AOAH: variants seen among roughly 807,000 people sequenced by gnomAD.
AOAH encodes acyloxyacyl hydrolase (neutrophil).
A neutral mutation model predicts 92.2 loss-of-function variants in AOAH; 64 were observed. That is an observed-to-expected ratio of 0.69 (90% CI 0.57 to 0.86). The LOEUF is 0.86. AOAH is among the 40% of genes least tolerant of loss of function. AOAH has a pLI of 0.00. For missense variants in AOAH, 656 were observed against 694.6 expected (o/e 0.94, Z 0.62); for synonymous variants, 263 against 254.5 (o/e 1.03, Z -0.32).
intron 8 of AOAH, 122 bp from the exon 9 acceptor site, chr7:36,620,951 A>G (rs966788692): frequency 1.2e-6 from 1 of 861,530 alleles, no homozygotes; most frequent in African/African-American, 1.7e-5. Flanking sequence ...GAGAGACAAC[A>G]GCATTCTTCA....
intron 12 of AOAH, among the ~76,000 whole-genome samples, chr7:36,583,000 A>C (rs1466806932): frequency 1.3e-5 from 2 of 152,046 alleles, no homozygotes. Flanking sequence ...GCATGCCACC[A>C]TGCCCAGCTA....
intron 15 of AOAH, 36 bp from the exon 16 acceptor site, chr7:36,540,527 T>C (rs925191543): frequency 6.3e-6 from 10 of 1,583,982 alleles, no homozygotes; most frequent in Non-Finnish European, 8.6e-6. Flanking sequence ...TCTTGGTTGA[T>C]TGTAAGGATA....
chr7:36,724,199 G>A lies in AOAH; in HGVS notation c.-51C>T, dbSNP rs554726957. On this transcript the variant is annotated 5_prime_UTR_variant, in exon 1 of 21. Coordinates refer to ENST00000617537, the MANE Select transcript of AOAH (RefSeq NM_001637.4). ...CACCCGGCTTTGGAAGCTCCCAACT[G>A]AGGGATGCTGGAGCTGAGGCTGCAG... 1.9e-6 allele frequency: 3 copies of A among 1,603,944 alleles called. No homozygotes were observed. The highest frequency in any genetic ancestry group is 2.6e-6 in the Non-Finnish European group (3 of 1,174,126).
At chr7:36,515,196 C>A (rs1783534937) in intron 20 of AOAH, among the ~76,000 whole-genome samples, 3 of 138,536 alleles carry the variant, frequency 2.2e-5, no homozygotes, top group Non-Finnish European at 3.1e-5. Context: ...CCCCCACACA[C>A]CACACACAAA....
At chr7:36,640,213 A>T (rs375091157) in intron 4 of AOAH, among the ~76,000 whole-genome samples, 1 of 152,078 alleles carries the variant, frequency 6.6e-6, no homozygotes, top group African/African-American at 2.4e-5. Flanking sequence ...CAGAGTCCTG[A>T]TCCCAGATGG....
At chr7:36,702,805 C>A (rs1490885623) in intron 1 of AOAH, among the ~76,000 whole-genome samples, 1 of 152,076 alleles carries the variant, frequency 6.6e-6, no homozygotes, top group African/African-American at 2.4e-5. Context: ...GTGGCAATTT[C>A]TTAAAATAAG....
At chr7:36,547,266 G>A (rs971714550) in intron 15 of AOAH, among the ~76,000 whole-genome samples, 1 of 152,324 alleles carries the variant, frequency 6.6e-6, no homozygotes, top group African/African-American at 2.4e-5. Flanking sequence ...GGGTTCTGGG[G>A]ACAGCAGTAA....
chr7:36,641,692 T>A (rs1233821797), intron 4 of AOAH, among the ~76,000 whole-genome samples: 1 of 152,158 alleles, frequency 6.6e-6, no homozygotes, highest in Non-Finnish European at 1.5e-5. Context: ...CACACTCCCA[T>A]GCATACATTT....
intron 1 of AOAH, among the ~76,000 whole-genome samples, chr7:36,707,353 C>T (rs1056351585): frequency 6.6e-6 from 1 of 152,052 alleles, no homozygotes; most frequent in Non-Finnish European, 1.5e-5. Flanking sequence ...TGGTTCATGG[C>T]ACCCCGAAAC....
At chr7:36,527,672 A>C (rs980249528) in intron 19 of AOAH, among the ~76,000 whole-genome samples, 1 of 152,168 alleles carries the variant, frequency 6.6e-6, no homozygotes, top group Non-Finnish European at 1.5e-5. Context: ...TGGGTTAGTT[A>C]TTTCTATCCT....
At chr7:36,540,545 G>A in intron 15 of AOAH, 54 bp from the exon 16 acceptor site, 1 of 1,492,282 alleles carries the variant, frequency 6.7e-7, no homozygotes, top group Non-Finnish European at 9.2e-7. Context: ...ATAGATGCAT[G>A]CAAGTTGCAC....
rs778748879 is a variant in AOAH at position 36,614,192 on chromosome 7, C to T, written c.846+2188G>A. ...GAGGGCAGGGGCACCACCCCCTTCT[C>T]TAATGGACACGGTGGCTCTTGGGAC... On this transcript the variant is annotated intron_variant, in intron 11 of 20. Coordinates refer to ENST00000617537, the MANE Select transcript of AOAH (RefSeq NM_001637.4). This position sits in a 1 kb window ranked among gnomAD's most constrained non-coding sequence, Gnocchi z 4.2. 6.6e-5 allele frequency among the ~76,000 whole-genome samples: 10 copies of T among 152,198 alleles called. No homozygotes were observed. The highest frequency in any genetic ancestry group is 1.5e-4 in the Non-Finnish European group (10 of 68,044).
Position 36,516,371 on chromosome 7 carries a change from T to C in AOAH, c.1600-2991A>G, listed in dbSNP as rs1407771374. ...CACACCCCCACAGAAAGCACACAGA[T>C]ACCACACACACCCCCACAGAAAGCA... On this transcript the variant is annotated intron_variant, in intron 20 of 20. Coordinates refer to ENST00000617537, the MANE Select transcript of AOAH (RefSeq NM_001637.4). The surrounding 1 kb of genome is among the most constrained non-coding windows in gnomAD (Gnocchi z 5.0). 1.2e-5 allele frequency among the ~76,000 whole-genome samples: 1 copy of C among 82,138 alleles called. No individual in the cohort carries two copies. Among genetic ancestry groups the C allele is most frequent in the Non-Finnish European group, 2.2e-5 (1 of 46,280 alleles). The allele number at this position is 82,138 out of a possible 152,430, so 53.9% of individuals were successfully genotyped here. A position where few individuals can be genotyped will look rare whatever the true frequency, so the allele number is the denominator to read the frequency against.
chr7:36,627,622 G>C (rs189344402), intron 6 of AOAH, among the ~76,000 whole-genome samples: 1 of 151,812 alleles, frequency 6.6e-6, no homozygotes, highest in Non-Finnish European at 1.5e-5. Flanking sequence ...ATGGCTCCTC[G>C]GGAGGGGCAG....
intron 4 of AOAH, among the ~76,000 whole-genome samples, chr7:36,658,008 G>A (rs1472751242): frequency 2.6e-5 from 4 of 151,834 alleles, no homozygotes; most frequent in African/African-American, 7.3e-5. Context: ...AAAATATTAT[G>A]ATATTATGAT....
intron 11 of AOAH, among the ~76,000 whole-genome samples, chr7:36,597,650 C>T (rs943217017): frequency 1.3e-5 from 2 of 152,166 alleles, no homozygotes; most frequent in East Asian, 1.9e-4. Context: ...TCTCTGTCAT[C>T]CGTGCAATGG....
intron 13 of AOAH, among the ~76,000 whole-genome samples, chr7:36,561,927 G>A (rs1313599292): frequency 6.6e-6 from 1 of 152,076 alleles, no homozygotes; most frequent in Non-Finnish European, 1.5e-5. Flanking sequence ...GAGACCAACG[G>A]CAATTGGCTG....
chr7:36,573,366 A>G (rs1220270462), intron 13 of AOAH, among the ~76,000 whole-genome samples: 1 of 152,080 alleles, frequency 6.6e-6, no homozygotes, highest in Non-Finnish European at 1.5e-5. Flanking sequence ...GCCATTCCTA[A>G]CCCCTGCACC....
chr7:36,533,297 A>G (rs1784806699), intron 16 of AOAH, among the ~76,000 whole-genome samples: 1 of 152,200 alleles, frequency 6.6e-6, no homozygotes. Context: ...GAAAACATAA[A>G]GGAAGATAAT....
Sources: gnomAD v4.1 joint callset for allele counts (sites outside exome capture counted in the v4.1 genomes callset) on GRCh38, gnomAD v4.1.1 for gene constraint, Gnocchi (gnomAD v3.1) non-coding constraint, MANE v1.5 for transcripts, NCBI Gene and HGNC (gene_info 2026-07-23, HGNC 2026-07-21) for gene names.